Variants in DNAJC14 observed in about 807,000 individuals in gnomAD.
DNAJC14 encodes DnaJ heat shock protein family (Hsp40) member C14.
A neutral mutation model predicts 68.8 loss-of-function variants in DNAJC14; 12 were observed. That is an observed-to-expected ratio of 0.17 (90% CI 0.11 to 0.28). The LOEUF (loss-of-function observed/expected upper bound fraction) is 0.28. Among genes scored for constraint, DNAJC14 ranks in the 10% least tolerant of loss-of-function variants. The pLI, the probability that DNAJC14 is intolerant of heterozygous loss-of-function variation, is 1.00. For missense variants in DNAJC14, 764 were observed against 875.6 expected (o/e 0.87, Z 1.61); for synonymous variants, 350 against 321.5 (o/e 1.09, Z -0.95).
chr12:55,825,296 G>A (rs1210915417), intron 2 of DNAJC14, among the ~76,000 whole-genome samples: 1 of 152,044 alleles, frequency 6.6e-6, no homozygotes, highest in Non-Finnish European at 1.5e-5. Context: ...GTGTCATGCA[G>A]CCATTGAGGT....
upstream of DNAJC14, chr12:55,829,970 G>C (rs1258916233): frequency 6.6e-6 from 1 of 152,362 alleles, no homozygotes; most frequent in African/African-American, 2.4e-5. Context: ...ACAAAACCAG[G>C]GAGCTCAGAA....
chr12:55,829,206 G>A (rs1462428653), intron 1 of DNAJC14: 9 of 976,840 alleles, frequency 9.2e-6, no homozygotes, highest in South Asian at 9.4e-5. Context: ...CAGCACTTTG[G>A]GAGGCCGAGG....
intron 4 of DNAJC14, 150 bp downstream of exon 4, chr12:55,822,920 T>G: frequency 2.1e-6 from 3 of 1,444,270 alleles, no homozygotes; most frequent in Non-Finnish European, 2.8e-6. Context: ...GTCAGTCTAT[T>G]GACAATATGA....
Position 55,827,138 on chromosome 12 carries a change from C to G in DNAJC14, c.1407+114G>C, listed in dbSNP as rs1378285691. On this transcript the variant is annotated intron_variant, in intron 2 of 6. Transcript: ENST00000678005. ...CCCAGGAGGCGGAGGTTGTAGTGAG[C>G]TGAGATTGTGCCACTGCACTCCAGC... 10 of 1,120,654 alleles carry G rather than the reference C, an allele frequency of 8.9e-6. No individual in the cohort carries two copies. The East Asian group carries it at 2.8e-4, about 31-fold the overall frequency. 69.4% of individuals were successfully genotyped at this position (1,120,654 alleles called of 1,614,324 possible). A position where few individuals can be genotyped will look rare whatever the true frequency, so the allele number is the denominator to read the frequency against.
chr12:55,829,413 C>G, intron 1 of DNAJC14, 76 bp downstream of exon 1: 1 of 984,600 alleles, frequency 1.0e-6, no homozygotes, highest in Non-Finnish European at 1.2e-6. Flanking sequence ...CCACTGTACT[C>G]CAGTCTGGGT....
Position 55,828,118 on chromosome 12 carries a change from T to C in DNAJC14, c.541A>G (p.Ser181Gly), listed in dbSNP as rs769286264. The C allele has an allele frequency of 3.2e-5, 52 of 1,602,692 alleles. 1 individual carries two copies. The South Asian group carries it at 5.3e-4, about 16-fold the overall frequency. Residue 181 changes from serine (S) to glycine (G), a missense_variant, in exon 2 of 7, where the codon AGT becomes GGT. This residue lies in a region of DNAJC14 where 514 missense variants were observed against 521.7 expected (regional missense o/e 0.99). Coordinates refer to ENST00000678005, the MANE Select transcript of DNAJC14 (RefSeq NM_032364.6). ...CCGCTGGACACACGTGAAAAATCAC[T>C]GGGGAACTTGAGAGATTCTTCATCA... The part of the protein sequence containing the change: ...YDDEESLKFP[S>G]DFSRVSSGKK...
At chr12:55,826,807 A>C (rs1880807513) in intron 2 of DNAJC14, among the ~76,000 whole-genome samples, 1 of 151,368 alleles carries the variant, frequency 6.6e-6, no homozygotes, top group Non-Finnish European at 1.5e-5. Flanking sequence ...TCAAGAAAAA[A>C]AAAAAAAGAA....
chr12:55,827,852 A>T lies in DNAJC14; in HGVS notation c.807T>A (p.Cys269Ter). 6.2e-7 allele frequency: 1 copy of T among 1,613,822 alleles called. No homozygotes were observed. The highest frequency in any genetic ancestry group is 8.5e-7 in the Non-Finnish European group (1 of 1,179,784). Reference sequence around the variant, plus strand: ...GCCTGCAGGCATAGATGAGATGGCCACAAGTTTCTACGTACTCTCCCACCA... The same window carrying T: ...GCCTGCAGGCATAGATGAGATGGCCTCAAGTTTCTACGTACTCTCCCACCA... ...LVLVGEYVET[C>*]GHLIYACRQL... The change falls in exon 2 of 7, where the codon TGT (cysteine) becomes TGA (stop). Residue 269 changes from cysteine to a stop codon, truncating the protein, a stop_gained. Coordinates refer to ENST00000678005, the MANE Select transcript of DNAJC14 (RefSeq NM_032364.6). LOFTEE classifies it high-confidence loss of function.
In DNAJC14 at chr12:55,827,563, A is replaced by C. The variant is rs1880830338; in HGVS notation, c.1096T>G (p.Phe366Val). The C allele has an allele frequency of 1.9e-6, 3 of 1,606,556 alleles. No individual in the cohort carries two copies. Among genetic ancestry groups the C allele is most frequent in the Middle Eastern group, 1.7e-4 (1 of 6,050 alleles). Residue 366 changes from phenylalanine (F) to valine (V), a missense_variant, in exon 2 of 7, where the codon TTC becomes GTC. By Grantham distance (50) the Phe-to-Val change is conservative. Transcript: ENST00000678005. ...LGWRDKATWL[F>V]SWLDSPALQR... is the part of the protein sequence containing the mutation. ...AAGGCTGGAGAATCCAGCCAAGAGA[A>C]GAGCCAGGTAGCCTTATCCCTCCAG...
Position 55,828,076 on chromosome 12 carries a change from G to A in DNAJC14, c.583C>T (p.Arg195Trp), listed in dbSNP as rs1012892965. 1.7e-5 allele frequency: 28 copies of A among 1,603,834 alleles called. No individual in the cohort carries two copies. The highest frequency in any genetic ancestry group is 2.3e-5 in the Non-Finnish European group (27 of 1,175,220). ...GTTGGAAAGCGGTGCCGCTGTCTCC[G>A]GGATGGGGGTTTCTTTCCGCTGGAC... is the stretch of plus-strand genomic sequence containing the variant. The part of the protein sequence containing the change: ...RVSSGKKPPS[R>W]RQRHRFPTKE... The change falls in exon 2 of 7, where the codon CGG (arginine) becomes TGG (tryptophan). Residue 195 changes from arginine to tryptophan, a missense_variant. Around this residue, in one of 4 missense-constraint regions of DNAJC14, gnomAD observed 514 missense variants for 521.7 expected, o/e 0.99. Coordinates refer to ENST00000678005, the MANE Select transcript of DNAJC14 (RefSeq NM_032364.6).
In DNAJC14 at chr12:55,827,178, G is replaced by A. The variant is rs542849375; in HGVS notation, c.1407+74C>T. 1,104 of 1,335,374 alleles carry A rather than the reference G, an allele frequency of 8.3e-4. 1 individual carries two copies. The highest frequency in any genetic ancestry group is 9.7e-4 in the Non-Finnish European group (1,006 of 1,036,886). The allele number at this position is 1,335,374 out of a possible 1,614,324, so 82.7% of individuals were successfully genotyped here. ...TGCACTCCAGCCTGGGTGACAGAGCGAGACTACATCTCAAAAAAAAAAAAA... is the reference window on the plus strand; with the variant it reads ...TGCACTCCAGCCTGGGTGACAGAGCAAGACTACATCTCAAAAAAAAAAAAA... On this transcript the variant is annotated intron_variant, in intron 2 of 6. Coordinates refer to ENST00000678005, the MANE Select transcript of DNAJC14 (RefSeq NM_032364.6).
intron 2 of DNAJC14, among the ~76,000 whole-genome samples, chr12:55,825,720 AT>A (rs1395569858): frequency 6.6e-6 from 1 of 151,366 alleles, no homozygotes; most frequent in Non-Finnish European, 1.5e-5. Context: ...ATTTTTTTGT[AT>A]TTTTAGTAGA....
rs1189080187 is a variant in DNAJC14, at chr12:55,827,998, G to C, written c.661C>G (p.His221Asp). 6.2e-7 allele frequency: 1 copy of C among 1,613,386 alleles called. No homozygotes were observed. Among genetic ancestry groups the C allele is most frequent in the Admixed American group, 1.7e-5 (1 of 59,998 alleles). The change falls in exon 2 of 7, where the codon CAT becomes GAT. Residue 221 changes from histidine to aspartate, a missense_variant. His to Asp is a moderately conservative substitution (Grantham distance 81). Coordinates refer to ENST00000678005, the MANE Select transcript of DNAJC14 (RefSeq NM_032364.6). ...GRRDPRSPGR[H>D]RLGRKRSQAD... The stretch of plus-strand genomic sequence containing the variant: ...TGACTTCGTTTCCGACCCAGCCGAT[G>C]TCGACCAGGGGACCTGGGATCCCTA...
chr12:55,823,581 A>G, intron 2 of DNAJC14, 73 bp from the exon 3 acceptor site: 1 of 1,337,814 alleles, frequency 7.5e-7, no homozygotes, highest in Non-Finnish European at 1.1e-6. Flanking sequence ...TCTCATATCA[A>G]AGGGTTCTCT....
chr12:55,826,724 C>T (rs1337666272), intron 2 of DNAJC14, among the ~76,000 whole-genome samples: 9 of 151,386 alleles, frequency 5.9e-5, no homozygotes, highest in African/African-American at 1.7e-4. Context: ...GGCGTGAACC[C>T]GGGAGGCGGA....
chr12:55,823,322 T>A (rs1181086451), intron 3 of DNAJC14, 80 bp downstream of exon 3: 10 of 1,598,388 alleles, frequency 6.3e-6, no homozygotes, highest in Non-Finnish European at 7.7e-6. Context: ...TCAACAAGCC[T>A]CCACCCCCAA....
At chr12:55,822,925 A>G (rs921689722) in intron 4 of DNAJC14, 145 bp downstream of exon 4, 13 of 1,457,720 alleles carry the variant, frequency 8.9e-6, no homozygotes, top group South Asian at 2.7e-5. Context: ...TCTATTGACA[A>G]TATGACAAAG....
chr12:55,829,972 A>C (rs1277726343), upstream of DNAJC14: 1 of 152,158 alleles, frequency 6.6e-6, no homozygotes, highest in African/African-American at 2.4e-5. Flanking sequence ...AAAACCAGGG[A>C]GCTCAGAAGA....
Position 55,828,185 on chromosome 12 carries a change from G to A in DNAJC14, c.474C>T (p.Thr158=), listed in dbSNP as rs144925182. 76 of 1,611,930 alleles carry A rather than the reference G, an allele frequency of 4.7e-5. No individual in the cohort carries two copies. Among genetic ancestry groups the A allele is most frequent in the Non-Finnish European group, 6.4e-5 (75 of 1,179,228 alleles). The change falls in exon 2 of 7, where the codon ACC becomes ACT. Residue 158 remains threonine, a synonymous_variant. Coordinates refer to ENST00000678005, the MANE Select transcript of DNAJC14 (RefSeq NM_032364.6). ...GSSSNFCHHC[T]SPALGEDELE... ...ACTCATCTTCCCCCAAAGCTGGAGA[G>A]GTACAGTGGTGGCAAAAGTTGCTAG... is the stretch of plus-strand genomic sequence containing the variant.
Sources: allele counts gnomAD v4.1 joint callset (sites outside exome capture counted in the v4.1 genomes callset), GRCh38; gene constraint gnomAD v4.1.1; regional missense constraint gnomAD v4.1.1; transcripts MANE v1.5; gene names NCBI Gene and HGNC (gene_info 2026-07-23, HGNC 2026-07-21).